The following PI4KA variants were observed in gnomAD, a reference collection of about 807,000 sequenced individuals.
PI4KA encodes the protein PI4-kinase alpha.
A neutral mutation model predicts 271.4 loss-of-function variants in PI4KA; 122 were observed. The observed-to-expected ratio is 0.45, with a 90% CI of 0.39 to 0.52. The LOEUF (loss-of-function observed/expected upper bound fraction) is 0.52, where lower values mean the gene tolerates loss of function less well. Among genes scored for constraint, PI4KA ranks in the 20% least tolerant of loss-of-function variants. PI4KA has a pLI of 0.00. For missense variants in PI4KA, 1,969 were observed against 2,769.1 expected, an observed-to-expected ratio of 0.71 and a Z score of 6.48; for synonymous variants, 1,041 against 1,078.8, an observed-to-expected ratio of 0.96 and a Z score of 0.69.
rs575053594 is a variant in PI4KA at position 20,767,486 on chromosome 22, G to A, written c.2329-1793C>T. 1.1e-4 allele frequency among the ~76,000 whole-genome samples: 17 copies of A among 151,944 alleles called. 1 individual carries two copies. In the South Asian group the frequency reaches 3.5e-3, roughly 32 times the overall value. ...AATAAATTAATTATTTTTGAGATAG[G>A]GTCTCACTCTGTTACCCAGGCTGGA... On this transcript the variant is annotated intron_variant, in intron 19 of 54. Coordinates refer to ENST00000255882, the MANE Select transcript of PI4KA (RefSeq NM_058004.4).
chr22:20,783,523 A>C (rs986308859), intron 19 of PI4KA, among the ~76,000 whole-genome samples: 1 of 151,938 alleles, frequency 6.6e-6, no homozygotes, highest in African/African-American at 2.4e-5. Flanking sequence ...AGGCTGAGGC[A>C]GGAGGATTCC....
At chr22:20,783,703 G>A (rs1001454181) in intron 19 of PI4KA, among the ~76,000 whole-genome samples, 4 of 152,136 alleles carry the variant, frequency 2.6e-5, no homozygotes, top group Non-Finnish European at 4.4e-5. Context: ...AGAAATAGAA[G>A]CGAGTTAGGT....
At position 20,751,333 on chromosome 22, in the gene PI4KA, G is replaced by A. The variant is rs1930665162; in HGVS notation, c.3113C>T (p.Pro1038Leu). The change falls in exon 27 of 55, where the codon CCC becomes CTC. Residue 1038 changes from proline to leucine, a missense_variant. Transcript: ENST00000255882. ...DQPYYDIPDA[P>L]YRITVPDTYE... ...CGTGTCAGGAACCGTGATCCGGTAG[G>A]GGGCGTCGGGGATGTCATAGTAAGG... is the stretch of plus-strand genomic sequence containing the variant. 2 of 1,613,960 alleles carry A rather than the reference G, an allele frequency of 1.2e-6. No homozygotes were observed. The highest frequency in any genetic ancestry group is 1.7e-6 in the Non-Finnish European group (2 of 1,179,994).
At chr22:20,731,754 C>G (rs1170570649) in intron 36 of PI4KA, among the ~76,000 whole-genome samples, 1 of 152,142 alleles carries the variant, frequency 6.6e-6, no homozygotes, top group Non-Finnish European at 1.5e-5. Flanking sequence ...ACGGTGAAAC[C>G]CCATCTCTAC....
chr22:20,798,628 G>A lies in PI4KA; in HGVS notation c.2064C>T (p.Ser688=), dbSNP rs61752246. The A allele has an allele frequency of 2.0e-3, 3,299 of 1,613,716 alleles. 12 individuals are homozygous for A. The highest frequency in any genetic ancestry group is 3.7e-3 in the Admixed American group (221 of 60,020). The change falls in exon 17 of 55, where the codon TCC becomes TCT. Residue 688 remains serine, a synonymous_variant. Coordinates refer to ENST00000255882, the MANE Select transcript of PI4KA (RefSeq NM_058004.4). ...AATCTTTGGTGGCTGAGTATACAAC[G>A]GAGCTGGCCTTCACACTGATCTGCT... ...LFQQISVKAS[S]VVYSATKDYK... is the part of the protein sequence containing the mutation.
intron 15 of PI4KA, 143 bp downstream of exon 15, chr22:20,799,528 A>C: frequency 6.7e-6 from 5 of 741,990 alleles, no homozygotes; most frequent in Non-Finnish European, 1.1e-5. Flanking sequence ...CTTCACCTTA[A>C]ATCTTGTGAC....
chr22:20,735,476 G>A (rs1420626060), intron 32 of PI4KA, among the ~76,000 whole-genome samples: 1 of 147,246 alleles, frequency 6.8e-6, no homozygotes, highest in African/African-American at 2.5e-5. Flanking sequence ...CAGTCACAGG[G>A]CTCTCAGCCA....
At chr22:20,714,592 C>T (rs775861030) in intron 46 of PI4KA, 36 bp downstream of exon 46, 25 of 1,613,812 alleles carry the variant, frequency 1.5e-5, no homozygotes, top group East Asian at 6.7e-5. Flanking sequence ...CACGCGGACG[C>T]GTGGAAGTGG....
At chr22:20,798,920 T>G (rs1221607734) in intron 16 of PI4KA, 173 bp downstream of exon 16, 6 of 639,502 alleles carry the variant, frequency 9.4e-6, no homozygotes, top group Admixed American at 2.9e-5. Context: ...AAACCTCTTT[T>G]TCCCCAGCAC....
In PI4KA at chr22:20,765,688, G is replaced by A. The variant is rs753736140; in HGVS notation, c.2334C>T (p.Thr778=). ...GVLIPVIAVL[T]RRLPPIKEAK... Reference sequence around the variant, plus strand: ...CTTCTTTGATGGGTGGCAGTCGTCGGGTGAGCTGATGTGCCAAGAAGAGAG... The same window carrying A: ...CTTCTTTGATGGGTGGCAGTCGTCGAGTGAGCTGATGTGCCAAGAAGAGAG... The change falls in exon 20 of 55, where the codon ACC becomes ACT. Residue 778 remains threonine, a synonymous_variant. Transcript: ENST00000255882. The A allele has an allele frequency of 6.2e-7, 1 of 1,608,060 alleles. No individual in the cohort carries two copies. The highest frequency in any genetic ancestry group is 8.5e-7 in the Non-Finnish European group (1 of 1,174,692).
intron 42 of PI4KA, chr22:20,725,388 G>A (rs538804531): frequency 3.4e-5 from 10 of 291,082 alleles, no homozygotes; most frequent in African/African-American, 6.5e-5. Context: ...ATACTGTTAC[G>A]GGCTGAACTG....
chr22:20,834,292 A>G (rs1052988590), intron 3 of PI4KA, among the ~76,000 whole-genome samples: 1 of 152,162 alleles, frequency 6.6e-6, no homozygotes, highest in Non-Finnish European at 1.5e-5. Context: ...ACATGAGAAA[A>G]GGTTCTTGAA....
At chr22:20,720,611 T>C (rs1926623134) in intron 43 of PI4KA, among the ~76,000 whole-genome samples, 1 of 152,280 alleles carries the variant, frequency 6.6e-6, no homozygotes, top group Admixed American at 6.5e-5. Flanking sequence ...ATCTCCACAA[T>C]GACCTGAGAG....
chr22:20,770,569 G>A (rs1378682081), intron 19 of PI4KA, among the ~76,000 whole-genome samples: 4 of 106,522 alleles, frequency 3.8e-5, no homozygotes, highest in Admixed American at 2.3e-4. Context: ...TGTTGCCCAA[G>A]CTGGACACGG....
At chr22:20,815,112 G>A (rs1258495764) in intron 7 of PI4KA, among the ~76,000 whole-genome samples, 1 of 152,084 alleles carries the variant, frequency 6.6e-6, no homozygotes, top group African/African-American at 2.4e-5. Context: ...GCCAGGTGTG[G>A]TGGCTCACGC....
At chr22:20,821,079 G>A (rs1468482108) in intron 4 of PI4KA, among the ~76,000 whole-genome samples, 1 of 152,074 alleles carries the variant, frequency 6.6e-6, no homozygotes, top group Non-Finnish European at 1.5e-5. Flanking sequence ...ATTAACATCT[G>A]GGATGCTGGA....
At position 20,739,151 on chromosome 22, in the gene PI4KA, C is replaced by T. The variant is rs1340329508; in HGVS notation, c.3741+3077G>A. Among the ~76,000 whole-genome samples the T allele has an allele frequency of 2.0e-5, 3 of 151,784 alleles. No individual in the cohort carries two copies. In the East Asian group the frequency reaches 5.8e-4, roughly 29 times the overall value. The stretch of plus-strand genomic sequence containing the variant: ...ACAAGGTCAGGAGATCGAGACCATC[C>T]TGGCTAACACAGTGAAACCCCGTCT... On this transcript the variant is annotated intron_variant, in intron 32 of 54. Transcript: ENST00000255882.
rs774391207 is a variant in PI4KA at position 20,799,761 on chromosome 22, A to G, written c.1730T>C (p.Leu577Pro). 1 of 1,549,646 alleles carries G rather than the reference A, an allele frequency of 6.5e-7. No individual in the cohort carries two copies. The highest frequency in any genetic ancestry group is 1.2e-5 in the South Asian group (1 of 83,858). Residue 577 changes from leucine (L) to proline (P), a missense_variant, in exon 15 of 55, where the codon CTG becomes CCG. Leu to Pro is a moderately conservative substitution (Grantham distance 98). Around this residue, in one of 13 missense-constraint regions of PI4KA, gnomAD observed 228 missense variants for 261.6 expected, o/e 0.87. Transcript: ENST00000255882. ...DIAIDNICRC[L>P]KAGLTVDPVI... The stretch of plus-strand genomic sequence containing the variant: ...TGGGTCCACCGTCAATCCAGCCTTC[A>G]GGCACCTGAGGAGCAAGAAAACCCA...
intron 45 of PI4KA, among the ~76,000 whole-genome samples, chr22:20,715,009 G>A (rs184557543): frequency 1.0e-3 from 156 of 152,170 alleles, no homozygotes; most frequent in African/African-American, 3.3e-3. Flanking sequence ...CTGGGGGTGC[G>A]TGTGAGGCCT....
Sources: allele counts gnomAD v4.1 joint callset (sites outside exome capture counted in the v4.1 genomes callset), GRCh38; gene constraint gnomAD v4.1.1; regional missense constraint gnomAD v4.1.1; transcripts MANE v1.5; gene names NCBI Gene and HGNC (gene_info 2026-07-23, HGNC 2026-07-21).